ITPR3: variants seen among roughly 807,000 people sequenced by gnomAD.
The protein encoded by ITPR3 is inositol 1,4,5-trisphosphate-gated calcium channel ITPR3.
ITPR3 carries 173 observed loss-of-function variants against 293.2 expected under a neutral mutation model. The observed-to-expected ratio is 0.59, with a 90% CI of 0.52 to 0.67. The LOEUF (loss-of-function observed/expected upper bound fraction) is 0.67, where lower values mean the gene tolerates loss of function less well. ITPR3 is among the 30% of genes least tolerant of loss of function. The probability of loss-of-function intolerance (pLI) is 0.00; values close to 1 mark genes in which losing one functional copy is unlikely to be tolerated. For missense variants in ITPR3, 2,796 were observed against 3,592.1 expected, an observed-to-expected ratio of 0.78 and a Z score of 5.66; for synonymous variants, 1,295 against 1,444.4, an observed-to-expected ratio of 0.90 and a Z score of 2.35.
Position 33,665,935 on chromosome 6 carries a change from G to A in ITPR3, c.1510G>A (p.Glu504Lys). 1.9e-6 allele frequency: 3 copies of A among 1,613,946 alleles called. No individual in the cohort carries two copies. The highest frequency in any genetic ancestry group is 2.5e-6 in the Non-Finnish European group (3 of 1,179,912). The change falls in exon 14 of 58, where the codon GAA becomes AAA. Residue 504 changes from glutamate (E) to lysine (K), a missense_variant. Transcript: ENST00000605930. ...CATCATGGTCACTAAGCCCAACCGG[G>A]AACGGCAGAAGCTGATGAGGGAGCA... is the stretch of plus-strand genomic sequence containing the variant. Reference protein sequence around the residue: ...LDIMVTKPNRERQKLMREQNI... With the variant: ...LDIMVTKPNRKRQKLMREQNI...
chr6:33,660,914 G>C (rs1175837473), intron 7 of ITPR3, among the ~76,000 whole-genome samples: 1 of 152,058 alleles, frequency 6.6e-6, no homozygotes, highest in African/African-American at 2.4e-5. Flanking sequence ...CTGGGTGACA[G>C]AGCGAGACTC....
intron 49 of ITPR3, 30 bp downstream of exon 49, chr6:33,688,811 C>T: frequency 2.5e-6 from 4 of 1,613,930 alleles, no homozygotes; most frequent in Non-Finnish European, 3.4e-6. Context: ...CGGCAGGTTC[C>T]CCGGGCCCTG....
At chr6:33,686,605 AGTG>A (rs1765238998) in intron 43 of ITPR3, 86 bp downstream of exon 43, 2 of 996,886 alleles carry the variant, frequency 2.0e-6, no homozygotes, top group Non-Finnish European at 3.2e-6. Flanking sequence ...AAGTGTACAT[AGTG>A]GTGTGTAATG....
At position 33,692,579 on chromosome 6, in the gene ITPR3, A is replaced by T; in HGVS notation, c.7459-149A>T. 1 of 704,682 alleles carries T rather than the reference A, an allele frequency of 1.4e-6. No homozygotes were observed. 43.7% of individuals were successfully genotyped at this position (704,682 alleles called of 1,614,324 possible). On this transcript the variant is annotated intron_variant, in intron 54 of 57. Coordinates refer to ENST00000605930, the MANE Select transcript of ITPR3 (RefSeq NM_002224.4). The surrounding 1 kb of genome is among the most constrained non-coding windows in gnomAD (Gnocchi z 4.2). ...GGAGCCAGGTTGGGTCCACTCTGCC[A>T]TCTGATGGCCCCCAGGCCAGAGGCC...
rs935227843 is a variant in ITPR3 at position 33,692,995 on chromosome 6, G to C, written c.7624+102G>C. ...GGCCCTTCCTGCCCTGGGGAACCCTGGCCCGGAGCTGATGACTTGATGCAT... is the reference window on the plus strand; with the variant it reads ...GGCCCTTCCTGCCCTGGGGAACCCTCGCCCGGAGCTGATGACTTGATGCAT... On this transcript the variant is annotated intron_variant, in intron 55 of 57. Coordinates refer to ENST00000605930, the MANE Select transcript of ITPR3 (RefSeq NM_002224.4). The surrounding 1 kb of genome is among the most constrained non-coding windows in gnomAD (Gnocchi z 4.2). 3.3e-5 allele frequency: 40 copies of C among 1,200,796 alleles called. No individual in the cohort carries two copies. The highest frequency in any genetic ancestry group is 4.5e-5 in the Non-Finnish European group (38 of 848,636). The allele number at this position is 1,200,796 out of a possible 1,614,324, so 74.4% of individuals were successfully genotyped here.
intron 28 of ITPR3, 138 bp from the exon 29 acceptor site, chr6:33,678,282 GC>G: frequency 8.5e-7 from 1 of 1,174,962 alleles, no homozygotes; most frequent in Non-Finnish European, 1.2e-6. Flanking sequence ...TGACCTGGGG[GC>G]CCCACTTTCC....
rs1045020198 is a variant in ITPR3 at position 33,672,771 on chromosome 6, G to A, written c.2928+543G>A. Among the ~76,000 whole-genome samples the A allele has an allele frequency of 1.3e-5, 2 of 152,040 alleles. No homozygotes were observed. Among genetic ancestry groups the A allele is most frequent in the Admixed American group, 1.3e-4 (2 of 15,266 alleles). ...GGGGAGGTAAAAGCGGGGGCCGGGG[G>A]GTGCTTTCCCAAGGTCACAGGGATT... On this transcript the variant is annotated intron_variant, in intron 22 of 57. Transcript: ENST00000605930. The surrounding 1 kb of genome is among the most constrained non-coding windows in gnomAD (Gnocchi z 5.0).
In ITPR3 at chr6:33,695,780, A is replaced by T. The variant is rs1310902444; in HGVS notation, c.8016A>T (p.Ter2672CysextTer45). Residue 2672 changes from the stop codon to cysteine (C), a stop_lost, in exon 58 of 58, where the codon TGA (stop) becomes TGT (cysteine). Coordinates refer to ENST00000605930, the MANE Select transcript of ITPR3 (RefSeq NM_002224.4). ...FVDVQNCISR[*>C] ...ATGTCCAGAACTGCATTAGCCGCTG[A>T]GGAGAGCCACCGAAGGCCCCAACAG... The T allele has an allele frequency of 6.2e-7, 1 of 1,614,062 alleles. No individual in the cohort carries two copies. Among genetic ancestry groups the T allele is most frequent in the Admixed American group, 1.7e-5 (1 of 60,032 alleles).
intron 57 of ITPR3, 93 bp downstream of exon 57, chr6:33,695,178 A>G: frequency 7.2e-7 from 1 of 1,387,308 alleles, no homozygotes; most frequent in Non-Finnish European, 9.9e-7. Context: ...CCTCTTCCCC[A>G]CTGGCCTCTG....
At chr6:33,659,335 C>A in intron 6 of ITPR3, 131 bp from the exon 7 acceptor site, 2 of 938,602 alleles carry the variant, frequency 2.1e-6, no homozygotes, top group Non-Finnish European at 3.3e-6. Flanking sequence ...GGTCTGGGGA[C>A]CCTGGCTAGG....
In ITPR3 at chr6:33,688,267, A is replaced by G. The variant is rs1338408513; in HGVS notation, c.6404A>G (p.Gln2135Arg). The change falls in exon 48 of 58, where the codon CAG becomes CGG. Residue 2135 changes from glutamine to arginine, a missense_variant. Around this residue, in one of 8 missense-constraint regions of ITPR3, gnomAD observed 568 missense variants for 796.1 expected, o/e 0.71. Coordinates refer to ENST00000605930, the MANE Select transcript of ITPR3 (RefSeq NM_002224.4). ...GTGCGGCAGGACCGCAGCATGGAGCAGATCGTGTTCCCAGTGCCCGGCATC... is the reference window on the plus strand; with the variant it reads ...GTGCGGCAGGACCGCAGCATGGAGCGGATCGTGTTCCCAGTGCCCGGCATC... ...EIVRQDRSME[Q>R]IVFPVPGICQ... is the part of the protein sequence containing the mutation. 6.2e-7 allele frequency: 1 copy of G among 1,614,220 alleles called. No homozygotes were observed. Among genetic ancestry groups the G allele is most frequent in the African/African-American group, 1.3e-5 (1 of 75,056 alleles).
chr6:33,687,107 G>A lies in ITPR3; in HGVS notation c.6075+3G>A, dbSNP rs1765251598. The A allele has an allele frequency of 5.0e-6, 8 of 1,613,698 alleles. No homozygotes were observed. Among genetic ancestry groups the A allele is most frequent in the African/African-American group, 1.3e-5 (1 of 74,894 alleles). Reference sequence around the variant, plus strand: ...TCAGCCTGCGGCCCCAGGAGCTGGTGAGGCTGGGCAGGTGGGCAGGCGGGC... The same window carrying A: ...TCAGCCTGCGGCCCCAGGAGCTGGTAAGGCTGGGCAGGTGGGCAGGCGGGC... On this transcript the variant is annotated splice_donor_region_variant and intron_variant, in intron 44 of 57. Coordinates refer to ENST00000605930, the MANE Select transcript of ITPR3 (RefSeq NM_002224.4). This position sits in a 1 kb window ranked among gnomAD's most constrained non-coding sequence, Gnocchi z 5.3.
chr6:33,684,792 C>T lies in ITPR3; in HGVS notation c.5156C>T (p.Ser1719Leu), dbSNP rs762032666. ...PIGTGLDPDW[S>L]AIAATQCRLD... The stretch of plus-strand genomic sequence containing the variant: ...CCTCCAGGCCTGGACCCAGACTGGT[C>T]GGCAATCGCAGCCACCCAGTGCCGG... The change falls in exon 39 of 58, where the codon TCG (serine) becomes TTG (leucine). Residue 1719 changes from serine to leucine, a missense_variant. Ser to Leu is a moderately radical substitution (Grantham distance 145, BLOSUM62 -2). Coordinates refer to ENST00000605930, the MANE Select transcript of ITPR3 (RefSeq NM_002224.4). The surrounding 1 kb of genome is among the most constrained non-coding windows in gnomAD (Gnocchi z 4.2). The T allele has an allele frequency of 9.9e-6, 16 of 1,612,134 alleles. No homozygotes were observed. Among genetic ancestry groups the T allele is most frequent in the East Asian group, 2.2e-5 (1 of 44,846 alleles).
Position 33,667,346 on chromosome 6 carries a change from C to A in ITPR3, c.1713+56C>A. On this transcript the variant is annotated intron_variant, in intron 15 of 57. Transcript: ENST00000605930. This position sits in a 1 kb window ranked among gnomAD's most constrained non-coding sequence, Gnocchi z 4.4. The stretch of plus-strand genomic sequence containing the variant: ...GGCTGCACGTTCCTTCCTCAGCAAG[C>A]GATTTCCTCAGGCACATGTGCTGTG... The A allele has an allele frequency of 1.3e-6, 2 of 1,564,450 alleles. No homozygotes were observed.
chr6:33,655,661 T>G lies in ITPR3; in HGVS notation c.161-105T>G. 2 of 1,445,928 alleles carry G rather than the reference T, an allele frequency of 1.4e-6. No individual in the cohort carries two copies. Among genetic ancestry groups the G allele is most frequent in the Non-Finnish European group, 1.9e-6 (2 of 1,057,876 alleles). 89.6% of individuals were successfully genotyped at this position (1,445,928 alleles called of 1,614,324 possible). On this transcript the variant is annotated intron_variant, in intron 2 of 57. Transcript: ENST00000605930. The surrounding 1 kb of genome is among the most constrained non-coding windows in gnomAD (Gnocchi z 4.9). ...CTCTACCTGCAGCGGGGAACGGGGG[T>G]GGGGAAGGGTTGGGAGAGAAGAGCT...
chr6:33,685,033 G>A, intron 39 of ITPR3, 90 bp downstream of exon 39: 3 of 1,439,070 alleles, frequency 2.1e-6, no homozygotes, highest in South Asian at 2.6e-5. Context: ...TGAAGGCCGA[G>A]GAGGGTGTGA....
chr6:33,631,060 C>G (rs900446538), intron 1 of ITPR3, among the ~76,000 whole-genome samples: 1 of 152,174 alleles, frequency 6.6e-6, no homozygotes, highest in Non-Finnish European at 1.5e-5. Context: ...CCCAGGCTTC[C>G]CACCCACCAC....
chr6:33,694,817 T>C (rs747233439), intron 56 of ITPR3, 107 bp from the exon 57 acceptor site: 25 of 1,405,346 alleles, frequency 1.8e-5, no homozygotes, highest in Non-Finnish European at 5.0e-6. Flanking sequence ...TGACGAGTAG[T>C]TTTGTTAAGG....
intron 20 of ITPR3, 132 bp from the exon 21 acceptor site, chr6:33,671,033 C>CTCCCTCCT: frequency 6.8e-7 from 1 of 1,463,508 alleles, no homozygotes; most frequent in South Asian, 1.3e-5. Context: ...CTGCTCCGCT[C>CTCCCTCCT]TCCCTCCTGG....
Sources: allele counts gnomAD v4.1 joint callset (sites outside exome capture counted in the v4.1 genomes callset), GRCh38; gene constraint gnomAD v4.1.1; regional missense constraint gnomAD v4.1.1; non-coding constraint Gnocchi (gnomAD v3.1); transcripts MANE v1.5; gene names NCBI Gene and HGNC (gene_info 2026-07-23, HGNC 2026-07-21).